B4GALNT2: variants seen among roughly 807,000 people sequenced by gnomAD.
The protein encoded by B4GALNT2 is beta-1,4-N-acetyl-galactosaminyltransferase 2 (SID blood group).
Under a neutral mutation model 51.1 loss-of-function variants are expected in B4GALNT2, and 42 were observed. That is an observed-to-expected ratio of 0.82 (90% CI 0.64 to 1.06). The LOEUF (loss-of-function observed/expected upper bound fraction) is 1.06. Among genes scored for constraint, B4GALNT2 ranks in the 50% least tolerant of loss-of-function variants. B4GALNT2 has a pLI of 0.00. For synonymous variants in B4GALNT2, 253 were observed against 251.7 expected, an observed-to-expected ratio of 1.01 and a Z score of -0.05; for missense variants, 602 against 633.6, an observed-to-expected ratio of 0.95 and a Z score of 0.54.
chr17:49,145,316 C>T (rs896141184), intron 3 of B4GALNT2, among the ~76,000 whole-genome samples: 1 of 152,138 alleles, frequency 6.6e-6, no homozygotes, highest in Non-Finnish European at 1.5e-5. Flanking sequence ...AATCCCCAAC[C>T]CAAATACTAT....
chr17:49,168,814 G>C lies in B4GALNT2; in HGVS notation c.1229G>C (p.Ser410Thr). The C allele has an allele frequency of 6.2e-7, 1 of 1,614,004 alleles. No homozygotes were observed. The highest frequency in any genetic ancestry group is 1.1e-5 in the South Asian group (1 of 91,068). The part of the protein sequence containing the change: ...LDGFPSCVVT[S>T]GVVNFFLAHT... ...GGCTTCCCCAGCTGCGTGGTGACCA[G>C]TGGCGTGGTCAACTTCTTCCTGGCC... Residue 410 changes from serine (S) to threonine (T), a missense_variant, in exon 10 of 11, where the codon AGT becomes ACT. By Grantham distance (58) the Ser-to-Thr change is moderately conservative. Transcript: ENST00000393354.
intron 3 of B4GALNT2, among the ~76,000 whole-genome samples, chr17:49,149,857 G>A (rs1253256116): frequency 6.6e-6 from 1 of 152,134 alleles, no homozygotes; most frequent in East Asian, 1.9e-4. Flanking sequence ...ACACTTTCAT[G>A]AAGAGTGGGT....
rs572875197 is a variant in B4GALNT2, at chr17:49,140,140, G to A, written c.15-1107G>A. Among the ~76,000 whole-genome samples, 14 of 148,294 alleles carry A rather than the reference G, an allele frequency of 9.4e-5. No homozygotes were observed. The South Asian group carries it at 3.0e-3, about 32-fold the overall frequency. On this transcript the variant is annotated intron_variant, in intron 1 of 10. Transcript: ENST00000393354. ...TTTTGAGACAGAATCTCTCTCTCTTGCCCAGGCTGGAGTGCAGTGGCGTGA... is the reference window on the plus strand; with the variant it reads ...TTTTGAGACAGAATCTCTCTCTCTTACCCAGGCTGGAGTGCAGTGGCGTGA...
chr17:49,166,107 T>G lies in B4GALNT2; in HGVS notation c.955-7T>G, dbSNP rs2042908634. On this transcript the variant is annotated splice_polypyrimidine_tract_variant and splice_region_variant and intron_variant, in intron 8 of 10. Transcript: ENST00000393354. ...CAACCACTCCTTTAACCTCATTTCA[T>G]CTACAGGGTTGGTTTGCTGGTAGGA... 7 of 1,613,488 alleles carry G rather than the reference T, an allele frequency of 4.3e-6. No homozygotes were observed. Among genetic ancestry groups the G allele is most frequent in the Non-Finnish European group, 5.9e-6 (7 of 1,179,626 alleles).
chr17:49,140,465 T>G (rs1329066997), intron 1 of B4GALNT2, among the ~76,000 whole-genome samples: 1 of 152,238 alleles, frequency 6.6e-6, no homozygotes, highest in Non-Finnish European at 1.5e-5. Context: ...ATCATTTTGT[T>G]GTTCTGCTGC....
At chr17:49,130,544 A>G (rs1001578819), upstream of B4GALNT2, among the ~76,000 whole-genome samples, 13 of 152,324 alleles carry the variant, frequency 8.5e-5, no homozygotes, top group South Asian at 2.7e-3. Context: ...AGGCAGGGGC[A>G]GGAGAATTGC....
At chr17:49,133,326 A>G in intron 1 of B4GALNT2, 2 of 1,335,128 alleles carry the variant, frequency 1.5e-6, no homozygotes, top group Non-Finnish European at 1.9e-6. Context: ...GTCGGTTTTC[A>G]AATCCAGGCG....
At chr17:49,135,781 TGGCCC>T (rs1175618876) in intron 1 of B4GALNT2, among the ~76,000 whole-genome samples, 1 of 150,798 alleles carries the variant, frequency 6.6e-6, no homozygotes, top group Non-Finnish European at 1.5e-5. Context: ...AGGAAAATCC[TGGCCC>T]GGCATGGTGG....
intron 2 of B4GALNT2, 42 bp downstream of exon 2, chr17:49,141,489 T>A: frequency 2.5e-6 from 4 of 1,579,262 alleles, no homozygotes; most frequent in Non-Finnish European, 3.5e-6. Flanking sequence ...AATGCACACA[T>A]CTTCCTTGCT....
At chr17:49,126,148 T>A in the B4GALNT2 span, among the ~76,000 whole-genome samples, 1 of 152,204 alleles carries the variant, frequency 6.6e-6, no homozygotes, top group East Asian at 1.9e-4. Flanking sequence ...CATTTTGTTC[T>A]GTACTAAGAA....
chr17:49,140,469 C>G (rs1268905948), intron 1 of B4GALNT2, among the ~76,000 whole-genome samples: 3 of 152,136 alleles, frequency 2.0e-5, no homozygotes, highest in African/African-American at 7.2e-5. Context: ...TTTTGTTGTT[C>G]TGCTGCTTTA....
chr17:49,137,004 A>T (rs995483038), intron 1 of B4GALNT2, among the ~76,000 whole-genome samples: 1 of 152,222 alleles, frequency 6.6e-6, no homozygotes, highest in Non-Finnish European at 1.5e-5. Context: ...ATATTAAGTT[A>T]CACAGCTTAA....
intron 1 of B4GALNT2, among the ~76,000 whole-genome samples, chr17:49,138,670 T>C (rs112849073): frequency 1.3e-5 from 2 of 152,094 alleles, no homozygotes. Context: ...CTGAGGTCAG[T>C]ATTTGAGACC....
intron 3 of B4GALNT2, among the ~76,000 whole-genome samples, chr17:49,150,463 G>A (rs943428759): frequency 6.6e-6 from 1 of 152,190 alleles, no homozygotes; most frequent in Non-Finnish European, 1.5e-5. Context: ...TGACAATGGC[G>A]GTTTTGTGGA....
At chr17:49,168,054 G>C (rs1181101675) in intron 9 of B4GALNT2, among the ~76,000 whole-genome samples, 1 of 152,100 alleles carries the variant, frequency 6.6e-6, no homozygotes, top group Non-Finnish European at 1.5e-5. Flanking sequence ...AACTCAGAAG[G>C]GTCATTTATT....
upstream of B4GALNT2, among the ~76,000 whole-genome samples, chr17:49,128,421 A>G (rs951870000): frequency 2.6e-5 from 4 of 152,312 alleles, no homozygotes; most frequent in African/African-American, 9.6e-5. Flanking sequence ...ATGAGAATGC[A>G]GAGGGGGTTC....
rs2144275892 is a variant in B4GALNT2 at position 49,139,007 on chromosome 17, C to T, written c.15-2240C>T. On this transcript the variant is annotated intron_variant, in intron 1 of 10. Coordinates refer to ENST00000393354, the MANE Select transcript of B4GALNT2 (RefSeq NM_001159387.2). The stretch of plus-strand genomic sequence containing the variant: ...GGGGGTCTAGAACATACTAAGTGGT[C>T]ATTAGACAATTATTATTATTAATTT... 1.3e-5 allele frequency among the ~76,000 whole-genome samples: 2 copies of T among 152,234 alleles called. 1 individual carries two copies. The highest frequency in any genetic ancestry group is 4.1e-4 in the South Asian group (2 of 4,826).
chr17:49,134,119 G>A (rs74716542), intron 1 of B4GALNT2, among the ~76,000 whole-genome samples: 2,290 of 152,246 alleles, frequency 0.015, 66 homozygotes, highest in East Asian at 0.11. Flanking sequence ...AAGCTGGGAG[G>A]CCTGATACTG....
At chr17:49,139,467 C>G (rs2042620071) in intron 1 of B4GALNT2, among the ~76,000 whole-genome samples, 1 of 152,162 alleles carries the variant, frequency 6.6e-6, no homozygotes, top group Non-Finnish European at 1.5e-5. Flanking sequence ...CTCAAGCGAT[C>G]CGCCTGCCTC....
Sources: gnomAD v4.1 joint callset for allele counts (sites outside exome capture counted in the v4.1 genomes callset) on GRCh38, gnomAD v4.1.1 for gene constraint, MANE v1.5 for transcripts, NCBI Gene and HGNC (gene_info 2026-07-23, HGNC 2026-07-21) for gene names.